Variants in KPNA3 observed in about 807,000 individuals in gnomAD.
KPNA3 encodes the protein importin subunit alpha-4.
Under a neutral mutation model 73.8 loss-of-function variants are expected in KPNA3, and 13 were observed. The ratio of observed to expected loss-of-function variants is 0.18; its 90% CI spans 0.11 to 0.28. KPNA3 has a LOEUF of 0.28. KPNA3 is among the 10% of genes least tolerant of loss of function. The pLI is 1.00. For synonymous variants in KPNA3, 186 were observed against 206.9 expected (o/e 0.90, Z 0.87); for missense variants, 360 against 618.1 (o/e 0.58, Z 4.43).
At chr13:49,751,981 T>C (rs572826192) in intron 1 of KPNA3, among the ~76,000 whole-genome samples, 1 of 152,312 alleles carries the variant, frequency 6.6e-6, no homozygotes, top group Admixed American at 6.5e-5. Context: ...AAGCAGGGTC[T>C]GGTTAAATCA....
At chr13:49,769,634 A>C (rs559197923) in intron 1 of KPNA3, among the ~76,000 whole-genome samples, 88 of 152,332 alleles carry the variant, frequency 5.8e-4, no homozygotes, top group African/African-American at 2.0e-3. Flanking sequence ...ATTGCTGAAT[A>C]ATATTCTACT....
At chr13:49,769,583 T>C (rs919202283) in intron 1 of KPNA3, among the ~76,000 whole-genome samples, 4 of 152,240 alleles carry the variant, frequency 2.6e-5, no homozygotes, top group African/African-American at 9.6e-5. Flanking sequence ...TTTTTGAGAT[T>C]CATCCATGCT....
At chr13:49,738,041 T>G (rs1363833541) in intron 2 of KPNA3, among the ~76,000 whole-genome samples, 1 of 152,236 alleles carries the variant, frequency 6.6e-6, no homozygotes, top group African/African-American at 2.4e-5. Context: ...TATAGCTTTG[T>G]GCTTTACATT....
chr13:49,719,189 G>GA (rs918003695), intron 10 of KPNA3, among the ~76,000 whole-genome samples: 31 of 151,798 alleles, frequency 2.0e-4, no homozygotes, highest in African/African-American at 6.5e-4. Flanking sequence ...TGAATATAAT[G>GA]AAAAAAAATC....
chr13:49,709,514 G>C, intron 12 of KPNA3, 58 bp downstream of exon 12: 1 of 1,400,384 alleles, frequency 7.1e-7, no homozygotes, highest in Non-Finnish European at 9.8e-7. Flanking sequence ...GAAACAAGGA[G>C]ACAGTTAAAA....
At chr13:49,759,946 C>G (rs1322821212) in intron 1 of KPNA3, among the ~76,000 whole-genome samples, 1 of 152,066 alleles carries the variant, frequency 6.6e-6, no homozygotes, top group Non-Finnish European at 1.5e-5. Context: ...GTGGTGATGT[C>G]AACATAACAG....
chr13:49,714,895 ATAT>A (rs537812934), intron 10 of KPNA3, among the ~76,000 whole-genome samples: 35 of 152,248 alleles, frequency 2.3e-4, no homozygotes, highest in African/African-American at 7.9e-4. Flanking sequence ...CTGAAATAAA[ATAT>A]TATTAACAGA....
At chr13:49,770,941 T>A (rs935203021) in intron 1 of KPNA3, among the ~76,000 whole-genome samples, 19 of 152,020 alleles carry the variant, frequency 1.2e-4, no homozygotes, top group Admixed American at 6.5e-4. Flanking sequence ...CATATGTCTA[T>A]CCTTATGCCA....
chr13:49,744,204 G>A (rs1954597299), intron 2 of KPNA3, among the ~76,000 whole-genome samples: 1 of 150,454 alleles, frequency 6.6e-6, no homozygotes, highest in Non-Finnish European at 1.5e-5. Context: ...TATGTATGGT[G>A]TATGTCAACA....
intron 2 of KPNA3, among the ~76,000 whole-genome samples, chr13:49,738,007 C>G (rs1356709582): frequency 6.6e-6 from 1 of 152,112 alleles, no homozygotes; most frequent in African/African-American, 2.4e-5. Context: ...CCAGAAAATT[C>G]TCTATGTTTT....
intron 1 of KPNA3, among the ~76,000 whole-genome samples, chr13:49,749,913 C>A (rs1014540698): frequency 6.6e-6 from 1 of 152,134 alleles, no homozygotes; most frequent in Non-Finnish European, 1.5e-5. Flanking sequence ...TTACTATGCT[C>A]TTTGTTTAAA....
intron 16 of KPNA3, among the ~76,000 whole-genome samples, 169 bp downstream of exon 16, chr13:49,702,217 T>C (rs1954154850): frequency 6.6e-6 from 1 of 152,206 alleles, no homozygotes. Flanking sequence ...AACTTTACCT[T>C]ATAATGAAGT....
intron 1 of KPNA3, among the ~76,000 whole-genome samples, chr13:49,791,926 G>A (rs922745899): frequency 6.6e-6 from 1 of 152,174 alleles, no homozygotes; most frequent in Non-Finnish European, 1.5e-5. Flanking sequence ...CCCCCTCTGC[G>A]GGCCGCCACC....
intron 10 of KPNA3, among the ~76,000 whole-genome samples, chr13:49,717,210 A>G (rs1044678170): frequency 6.6e-6 from 1 of 152,212 alleles, no homozygotes; most frequent in Non-Finnish European, 1.5e-5. Context: ...TAAAAAATCT[A>G]CAATGACTCT....
intron 1 of KPNA3, among the ~76,000 whole-genome samples, chr13:49,752,614 A>T (rs1273326367): frequency 6.6e-6 from 1 of 152,210 alleles, no homozygotes. Flanking sequence ...GAAATAAAGC[A>T]AAAAATTATT....
At chr13:49,704,482 T>C (rs79235623) in intron 15 of KPNA3, among the ~76,000 whole-genome samples, 2 of 105,006 alleles carry the variant, frequency 1.9e-5, no homozygotes, top group Admixed American at 2.1e-4. Flanking sequence ...AATAAATAAA[T>C]AGAAAGAAAG....
chr13:49,751,288 T>C (rs1238974786), intron 1 of KPNA3, among the ~76,000 whole-genome samples: 1 of 152,126 alleles, frequency 6.6e-6, no homozygotes, highest in Admixed American at 6.5e-5. Flanking sequence ...AGACCAATCC[T>C]GGAAGACTAT....
intron 1 of KPNA3, among the ~76,000 whole-genome samples, chr13:49,769,617 C>G (rs1352939581): frequency 6.6e-6 from 1 of 152,184 alleles, no homozygotes; most frequent in Non-Finnish European, 1.5e-5. Flanking sequence ...ATACTTTACT[C>G]CTTTTTATTG....
chr13:49,754,068 G>T (rs1486942733), intron 1 of KPNA3, among the ~76,000 whole-genome samples: 1 of 152,190 alleles, frequency 6.6e-6, no homozygotes, highest in East Asian at 1.9e-4. Flanking sequence ...AAACTGAGGC[G>T]GGTGGAGCAT....
Sources: allele counts gnomAD v4.1 joint callset (sites outside exome capture counted in the v4.1 genomes callset), GRCh38; gene constraint gnomAD v4.1.1; transcripts MANE v1.5; gene names NCBI Gene and HGNC (gene_info 2026-07-23, HGNC 2026-07-21).